The following DSG3 variants were observed in gnomAD, a reference collection of about 807,000 sequenced individuals.
DSG3 encodes desmoglein-3.
DSG3 carries 63 observed loss-of-function variants against 85.9 expected under a neutral mutation model. That is an observed-to-expected ratio of 0.73 (90% CI 0.60 to 0.90). The LOEUF (loss-of-function observed/expected upper bound fraction) is 0.90, where lower values mean the gene tolerates loss of function less well. Among genes scored for constraint, DSG3 ranks in the 40% least tolerant of loss-of-function variants. DSG3 has a pLI of 0.00. For missense variants in DSG3, 1,220 were observed against 1,219.9 expected (o/e 1.00, Z 0.00); for synonymous variants, 447 against 441.9 (o/e 1.01, Z -0.14).
intron 9 of DSG3, 90 bp downstream of exon 9, chr18:31,464,472 G>A: frequency 7.4e-7 from 1 of 1,351,478 alleles, no homozygotes; most frequent in Non-Finnish European, 1.0e-6. Context: ...TATGTGCCAA[G>A]AATAGAGATA....
chr18:31,468,978 ATG>A, intron 11 of DSG3, 109 bp from the exon 12 acceptor site: 4 of 1,437,360 alleles, frequency 2.8e-6, no homozygotes, highest in Non-Finnish European at 3.8e-6. Flanking sequence ...TGAGAAATAA[ATG>A]TGTTTTCTTT....
At position 31,459,871 on chromosome 18, in the gene DSG3, A is replaced by T; in HGVS notation, c.544A>T (p.Thr182Ser). ...CTCACTGGTGATGATACTAAATGCC[A>T]CAGATGCAGATGAACCAAACCACTT... is the stretch of plus-strand genomic sequence containing the variant. ...SNSLVMILNA[T>S]DADEPNHLNS... The change falls in exon 6 of 16, where the codon ACA becomes TCA. Residue 182 changes from threonine to serine, a missense_variant. Thr to Ser is a moderately conservative substitution (Grantham distance 58). Coordinates refer to ENST00000257189, the MANE Select transcript of DSG3 (RefSeq NM_001944.3). The T allele has an allele frequency of 6.2e-7, 1 of 1,614,102 alleles. No homozygotes were observed. The highest frequency in any genetic ancestry group is 1.7e-4 in the Middle Eastern group (1 of 6,060).
chr18:31,478,548 G>A lies in DSG3; in HGVS notation c.*2288G>A, dbSNP rs1467185496. The A allele has an allele frequency of 1.3e-5, 2 of 152,048 alleles. No individual in the cohort carries two copies. The highest frequency in any genetic ancestry group is 4.8e-5 in the African/African-American group (2 of 41,382). 9.4% of individuals were successfully genotyped at this position (152,048 alleles called of 1,614,324 possible). ...TAAAAATTGATTTGCCATGTAAAAT[G>A]TATCTGCATTTTTTACACAAAACTT... On this transcript the variant is annotated 3_prime_UTR_variant, in exon 16 of 16. Transcript: ENST00000257189.
chr18:31,453,447 TTG>T (rs1327068702), intron 1 of DSG3, among the ~76,000 whole-genome samples: 1 of 152,168 alleles, frequency 6.6e-6, no homozygotes, highest in Non-Finnish European at 1.5e-5. Flanking sequence ...TACTTGCTTT[TTG>T]TTTAATCTAG....
chr18:31,460,697 C>G, intron 6 of DSG3, 136 bp from the exon 7 acceptor site: 1 of 767,260 alleles, frequency 1.3e-6, no homozygotes, highest in Non-Finnish European at 2.0e-6. Context: ...AGACCTCCAC[C>G]CAACCATCCA....
chr18:31,476,333 A>G lies in DSG3; in HGVS notation c.*73A>G. ...TAAAGTATTCAAAATAGCATAGCAAAGCTCACTGTATTGGGCTAATAATTT... is the reference window on the plus strand; with the variant it reads ...TAAAGTATTCAAAATAGCATAGCAAGGCTCACTGTATTGGGCTAATAATTT... On this transcript the variant is annotated 3_prime_UTR_variant, in exon 16 of 16. Coordinates refer to ENST00000257189, the MANE Select transcript of DSG3 (RefSeq NM_001944.3). 1 of 1,514,330 alleles carries G rather than the reference A, an allele frequency of 6.6e-7. No homozygotes were observed. Among genetic ancestry groups the G allele is most frequent in the Non-Finnish European group, 8.9e-7 (1 of 1,127,442 alleles). The allele number at this position is 1,514,330 out of a possible 1,614,324, so 93.8% of individuals were successfully genotyped here.
intron 12 of DSG3, 25 bp from the exon 13 acceptor site, chr18:31,472,259 G>A: frequency 6.2e-7 from 1 of 1,613,820 alleles, no homozygotes; most frequent in Non-Finnish European, 8.5e-7. Flanking sequence ...CAAGTGTTCT[G>A]ATGTTTTGTT....
chr18:31,465,022 C>T (rs2072808881), intron 9 of DSG3, among the ~76,000 whole-genome samples: 1 of 151,770 alleles, frequency 6.6e-6, no homozygotes, highest in Non-Finnish European at 1.5e-5. Flanking sequence ...ATCCCAGCTA[C>T]TCGGGAGGCT....
rs1394957956 is a variant in DSG3 at position 31,465,345 on chromosome 18, A to T, written c.1299A>T (p.Gly433=). Residue 433 remains glycine (G), a synonymous_variant, in exon 10 of 16, where the codon GGA becomes GGT. Transcript: ENST00000257189. ...ATGTCATGGGACGTAACGATGGTGG[A>T]TACCTAATGATTGATTCAAAAACTG... ...VKYVMGRNDG[G]YLMIDSKTAE... 2 of 1,511,882 alleles carry T rather than the reference A, an allele frequency of 1.3e-6. No individual in the cohort carries two copies. Among genetic ancestry groups the T allele is most frequent in the East Asian group, 2.5e-5 (1 of 40,768 alleles). 93.7% of individuals were successfully genotyped at this position (1,511,882 alleles called of 1,614,324 possible).
intron 1 of DSG3, among the ~76,000 whole-genome samples, chr18:31,450,028 C>T (rs71361329): frequency 0.12 from 17,603 of 152,080 alleles, 1,142 homozygotes; most frequent in African/African-American, 0.15. Flanking sequence ...TTAAGTTAAC[C>T]GTATTGTTAA....
At chr18:31,464,404 T>C (rs376499085) in intron 9 of DSG3, 22 bp downstream of exon 9, 16 of 1,585,710 alleles carry the variant, frequency 1.0e-5, no homozygotes, top group African/African-American at 1.4e-5. Context: ...TTTATTTATA[T>C]CCTATTTCTT....
At chr18:31,462,221 G>T (rs1404339339) in intron 8 of DSG3, among the ~76,000 whole-genome samples, 2 of 152,032 alleles carry the variant, frequency 1.3e-5, no homozygotes, top group Non-Finnish European at 2.9e-5. Flanking sequence ...CGCATCATGT[G>T]CCATCATGCC....
In DSG3 at chr18:31,458,522, A is replaced by G; in HGVS notation, c.294A>G (p.Gly98=). ...SGVGIDQPPF[G]IFVVDKNTGD... ...TGGGAATCGATCAGCCGCCTTTTGG[A>G]ATCTTTGTTGTTGACAAAAACACTG... Residue 98 remains glycine, a synonymous_variant, in exon 4 of 16, where the codon GGA becomes GGG. Coordinates refer to ENST00000257189, the MANE Select transcript of DSG3 (RefSeq NM_001944.3). 1 of 1,614,102 alleles carries G rather than the reference A, an allele frequency of 6.2e-7. No individual in the cohort carries two copies. Among genetic ancestry groups the G allele is most frequent in the Non-Finnish European group, 8.5e-7 (1 of 1,179,980 alleles).
intron 2 of DSG3, among the ~76,000 whole-genome samples, 154 bp downstream of exon 2, chr18:31,456,629 A>T (rs1336365231): frequency 6.6e-6 from 1 of 152,198 alleles, no homozygotes; most frequent in Non-Finnish European, 1.5e-5. Flanking sequence ...AACTGATAAC[A>T]ATATTTTAAA....
intron 1 of DSG3, among the ~76,000 whole-genome samples, chr18:31,450,737 C>T (rs1364117774): frequency 2.0e-5 from 3 of 152,192 alleles, no homozygotes; most frequent in African/African-American, 7.2e-5. Context: ...ACCCCACCCC[C>T]TGCCTAATGA....
At chr18:31,467,168 C>G (rs968222324) in intron 11 of DSG3, among the ~76,000 whole-genome samples, 1 of 152,050 alleles carries the variant, frequency 6.6e-6, no homozygotes, top group Non-Finnish European at 1.5e-5. Context: ...TGGTGAAACC[C>G]CATTTCTACT....
rs769366561 is a variant in DSG3 at position 31,472,418 on chromosome 18, G to T, written c.2032G>T (p.Asp678Tyr). ...QWGIEGAHPE[D>Y]KEITNICVPP... ...GGGAATTGAAGGAGCCCATCCTGAAGACAAGGTAAGCATCCAGTTCATAAA... is the reference window on the plus strand; with the variant it reads ...GGGAATTGAAGGAGCCCATCCTGAATACAAGGTAAGCATCCAGTTCATAAA... The change falls in exon 13 of 16, where the codon GAC (aspartate) becomes TAC (tyrosine). Residue 678 changes from aspartate (D) to tyrosine (Y), a missense_variant. Coordinates refer to ENST00000257189, the MANE Select transcript of DSG3 (RefSeq NM_001944.3). 7 of 1,612,116 alleles carry T rather than the reference G, an allele frequency of 4.3e-6. No individual in the cohort carries two copies. Among genetic ancestry groups the T allele is most frequent in the Non-Finnish European group, 5.9e-6 (7 of 1,179,556 alleles).
rs183253894 is a variant in DSG3, at chr18:31,475,107, T to C, written c.2386-539T>C. ...GGGAGGAATGACATGTCAGGAAGCATAGAACAGAAAAGGAACATAGTTATG... is the reference window on the plus strand; with the variant it reads ...GGGAGGAATGACATGTCAGGAAGCACAGAACAGAAAAGGAACATAGTTATG... On this transcript the variant is annotated intron_variant, in intron 15 of 15. Coordinates refer to ENST00000257189, the MANE Select transcript of DSG3 (RefSeq NM_001944.3). 4.6e-5 allele frequency among the ~76,000 whole-genome samples: 7 copies of C among 152,188 alleles called. No homozygotes were observed. In the East Asian group the frequency reaches 1.2e-3, roughly 25 times the overall value.
intron 7 of DSG3, 86 bp from the exon 8 acceptor site, chr18:31,461,141 A>AAAT: frequency 7.7e-7 from 1 of 1,293,140 alleles, no homozygotes; most frequent in Non-Finnish European, 1.0e-6. Context: ...ATAATTTGAG[A>AAAT]AATAAGGATT....
Sources: allele counts gnomAD v4.1 joint callset (sites outside exome capture counted in the v4.1 genomes callset), GRCh38; gene constraint gnomAD v4.1.1; transcripts MANE v1.5; gene names NCBI Gene and HGNC (gene_info 2026-07-23, HGNC 2026-07-21).